CAMK4: variants seen among roughly 807,000 people sequenced by gnomAD.
CAMK4 encodes the protein calcium/calmodulin dependent protein kinase IV, also known as calcium/calmodulin-dependent protein kinase type IV.
CAMK4 carries 22 observed loss-of-function variants against 44.9 expected under a neutral mutation model. The observed-to-expected ratio is 0.49, with a 90% CI of 0.35 to 0.70. CAMK4 has a LOEUF of 0.70. CAMK4 is among the 30% of genes least tolerant of loss of function. CAMK4 has a pLI of 0.01. For missense variants in CAMK4, 498 were observed against 586.8 expected, an observed-to-expected ratio of 0.85 and a Z score of 1.56; for synonymous variants, 218 against 215.4, an observed-to-expected ratio of 1.01 and a Z score of -0.11.
chr5:111,359,762 T>A (rs1580648719), intron 2 of CAMK4, among the ~76,000 whole-genome samples: 1 of 151,996 alleles, frequency 6.6e-6, no homozygotes, highest in Admixed American at 6.6e-5. Context: ...TTTTTGTATA[T>A]GGTGTAAGGA....
At chr5:111,318,977 C>T (rs948536235) in intron 1 of CAMK4, among the ~76,000 whole-genome samples, 8 of 152,202 alleles carry the variant, frequency 5.3e-5, no homozygotes, top group African/African-American at 1.9e-4. Context: ...TTTCTTCCTT[C>T]CCTTCTTAGA....
intron 1 of CAMK4, among the ~76,000 whole-genome samples, chr5:111,314,488 T>TA (rs1268342242): frequency 6.6e-6 from 1 of 152,092 alleles, no homozygotes; most frequent in East Asian, 1.9e-4. Context: ...GTTTGCTTAA[T>TA]TAACTAATAA....
At chr5:111,416,373 C>T (rs941074521) in intron 5 of CAMK4, 1 of 152,066 alleles carries the variant, frequency 6.6e-6, no homozygotes, top group Admixed American at 6.6e-5. Context: ...TCTTCCACAT[C>T]TCTATAATGA....
At chr5:111,355,270 A>G (rs1190913498) in intron 2 of CAMK4, among the ~76,000 whole-genome samples, 2 of 152,114 alleles carry the variant, frequency 1.3e-5, no homozygotes, top group Non-Finnish European at 2.9e-5. Context: ...CTCCTGGAAT[A>G]GGAACAGGAA....
chr5:111,236,238 AC>A (rs1375885750), intron 1 of CAMK4, among the ~76,000 whole-genome samples: 1 of 152,228 alleles, frequency 6.6e-6, no homozygotes, highest in Non-Finnish European at 1.5e-5. Context: ...TAGGATAAAT[AC>A]CTTACTTAGT....
intron 7 of CAMK4, among the ~76,000 whole-genome samples, chr5:111,470,799 G>A (rs1755037255): frequency 6.6e-6 from 1 of 152,234 alleles, no homozygotes; most frequent in African/African-American, 2.4e-5. Context: ...GAATGAGCAT[G>A]AGCATTTTTG....
intron 7 of CAMK4, among the ~76,000 whole-genome samples, 181 bp from the exon 8 acceptor site, chr5:111,473,130 A>G (rs1269907454): frequency 1.3e-5 from 2 of 152,196 alleles, no homozygotes; most frequent in Non-Finnish European, 2.9e-5. Context: ...ATAGACTATA[A>G]TCTCTCCTAC....
intron 5 of CAMK4, among the ~76,000 whole-genome samples, chr5:111,395,211 C>CAAAAAAAAAAAA (rs1175802762): frequency 2.2e-5 from 2 of 90,638 alleles, no homozygotes; most frequent in Admixed American, 1.5e-4. Flanking sequence ...GACCCTGTCT[C>CAAAAAAAAAAAA]AAAAAAAAAA....
At chr5:111,344,440 AC>A (rs1749787494) in intron 2 of CAMK4, among the ~76,000 whole-genome samples, 1 of 151,716 alleles carries the variant, frequency 6.6e-6, no homozygotes, top group African/African-American at 2.4e-5. Flanking sequence ...ACATACACAC[AC>A]ACACACTATA....
intron 2 of CAMK4, among the ~76,000 whole-genome samples, chr5:111,359,796 TC>T (rs1750519299): frequency 6.6e-6 from 1 of 151,984 alleles, no homozygotes; most frequent in Non-Finnish European, 1.5e-5. Context: ...TAATCTTCAC[TC>T]CCAGCATTTT....
intron 1 of CAMK4, among the ~76,000 whole-genome samples, chr5:111,240,489 A>T (rs1000672253): frequency 5.9e-5 from 9 of 152,220 alleles, no homozygotes; most frequent in Non-Finnish European, 1.3e-4. Flanking sequence ...TTTGATTTCC[A>T]GTTTCATCTT....
At chr5:111,392,124 G>C (rs1221871267) in intron 4 of CAMK4, among the ~76,000 whole-genome samples, 3 of 152,154 alleles carry the variant, frequency 2.0e-5, no homozygotes, top group African/African-American at 7.2e-5. Context: ...GATTGCTAGT[G>C]TATTAGTCTG....
intron 4 of CAMK4, among the ~76,000 whole-genome samples, chr5:111,386,188 T>C (rs1305214134): frequency 6.6e-6 from 1 of 152,186 alleles, no homozygotes; most frequent in Non-Finnish European, 1.5e-5. Context: ...GAAGCTGTGA[T>C]TGAAACTTAC....
At chr5:111,287,632 A>T (rs758116678) in intron 1 of CAMK4, among the ~76,000 whole-genome samples, 112 of 152,288 alleles carry the variant, frequency 7.4e-4, no homozygotes, top group South Asian at 2.1e-3. Context: ...TTCATATTTA[A>T]TACTTTAAAA....
intron 1 of CAMK4, among the ~76,000 whole-genome samples, chr5:111,244,242 A>G (rs992152449): frequency 6.6e-6 from 1 of 152,142 alleles, no homozygotes; most frequent in African/African-American, 2.4e-5. Flanking sequence ...AATATGCACT[A>G]TTTTCTACCT....
intron 1 of CAMK4, among the ~76,000 whole-genome samples, chr5:111,308,321 A>G (rs1287954382): frequency 6.6e-6 from 1 of 152,228 alleles, no homozygotes. Context: ...AACTAATAAA[A>G]TATGAGCAAG....
At chr5:111,255,391 G>A (rs914273752) in intron 1 of CAMK4, among the ~76,000 whole-genome samples, 1 of 152,196 alleles carries the variant, frequency 6.6e-6, no homozygotes, top group African/African-American at 2.4e-5. Flanking sequence ...TAATCTGAGT[G>A]GGTTTTCTTG....
intron 2 of CAMK4, among the ~76,000 whole-genome samples, chr5:111,374,054 AAGC>A (rs1295026111): frequency 6.6e-6 from 1 of 152,172 alleles, no homozygotes; most frequent in African/African-American, 2.4e-5. Context: ...CTTTCATGGC[AAGC>A]AACAGAAACT....
At chr5:111,401,654 T>C (rs1189272332) in intron 5 of CAMK4, among the ~76,000 whole-genome samples, 1 of 152,174 alleles carries the variant, frequency 6.6e-6, no homozygotes, top group Non-Finnish European at 1.5e-5. Flanking sequence ...TTTAGCTTTT[T>C]ACATAGGAAA....
Sources: allele counts gnomAD v4.1 joint callset (sites outside exome capture counted in the v4.1 genomes callset), GRCh38; gene constraint gnomAD v4.1.1; transcripts MANE v1.5; gene names NCBI Gene and HGNC (gene_info 2026-07-23, HGNC 2026-07-21).